Variants in PLBD2 observed in about 807,000 individuals in gnomAD.
The protein encoded by PLBD2 is phospholipase B domain containing 2.
In PLBD2, 51 loss-of-function variants were observed where a neutral mutation model predicts 68.3. That is an observed-to-expected ratio of 0.75 (90% CI 0.60 to 0.94). The LOEUF is 0.94. PLBD2 is among the 40% of genes least tolerant of loss of function. PLBD2 has a pLI of 0.00. For missense variants in PLBD2, 729 were observed against 792.2 expected, an observed-to-expected ratio of 0.92 and a Z score of 0.96; for synonymous variants, 314 against 339.3, an observed-to-expected ratio of 0.93 and a Z score of 0.82.
At chr12:113,361,069 G>A (rs1473969964) in intron 1 of PLBD2, among the ~76,000 whole-genome samples, 1 of 152,138 alleles carries the variant, frequency 6.6e-6, no homozygotes, top group South Asian at 2.1e-4. Context: ...AGAGACAGCT[G>A]CTTGAGGACT....
intron 5 of PLBD2, among the ~76,000 whole-genome samples, chr12:113,379,201 G>C (rs1050454171): frequency 6.6e-6 from 1 of 151,664 alleles, no homozygotes; most frequent in Non-Finnish European, 1.5e-5. Context: ...GCAGTTACTC[G>C]GGAGGCTGAG....
chr12:113,362,790 TA>T (rs1167990194), intron 1 of PLBD2, among the ~76,000 whole-genome samples: 3 of 142,350 alleles, frequency 2.1e-5, no homozygotes, highest in South Asian at 2.2e-4. Flanking sequence ...TCTTTTGATT[TA>T]TTTTTTTTTT....
chr12:113,388,423 G>A, intron 11 of PLBD2, 36 bp from the exon 12 acceptor site: 2 of 1,508,454 alleles, frequency 1.3e-6, no homozygotes, highest in Non-Finnish European at 1.8e-6. Flanking sequence ...GGCAGGCCAG[G>A]ACCCCTGCTC....
At chr12:113,377,725 A>G (rs1224370605) in intron 5 of PLBD2, among the ~76,000 whole-genome samples, 1 of 152,240 alleles carries the variant, frequency 6.6e-6, no homozygotes, top group Non-Finnish European at 1.5e-5. Context: ...TTTGAATGTC[A>G]TATGAATGGA....
At chr12:113,380,091 A>G (rs555989118) in intron 5 of PLBD2, among the ~76,000 whole-genome samples, 1 of 152,120 alleles carries the variant, frequency 6.6e-6, no homozygotes, top group South Asian at 2.1e-4. Context: ...GTTATACTGT[A>G]TTTTTAAAAT....
Position 113,374,795 on chromosome 12 carries a change from T to A in PLBD2, c.647T>A (p.Leu216Gln). The change falls in exon 5 of 12, where the codon CTG becomes CAG. Residue 216 changes from leucine (L) to glutamine (Q), a missense_variant and splice_region_variant. Transcript: ENST00000280800. ...TCTGATGCCCTGGCCCTCCTCAGCC[T>A]GCTGCAGCTCTCTGGGGACCTGGAA... ...KFTIKPLGFL[L>Q]LQLSGDLEDL... 1 of 1,613,748 alleles carries A rather than the reference T, an allele frequency of 6.2e-7. No homozygotes were observed. Among genetic ancestry groups the A allele is most frequent in the Non-Finnish European group, 8.5e-7 (1 of 1,180,022 alleles).
rs1202758503 is a variant in PLBD2, at chr12:113,391,496, A to G, written c.*2870A>G. Reference sequence around the variant, plus strand: ...CCGGGGATACTTTATAACAAAAGGGACAGAAGCATTCCTGCTCTTGTGAAG... The same window carrying G: ...CCGGGGATACTTTATAACAAAAGGGGCAGAAGCATTCCTGCTCTTGTGAAG... On this transcript the variant is annotated 3_prime_UTR_variant, in exon 12 of 12. Coordinates refer to ENST00000280800, the MANE Select transcript of PLBD2 (RefSeq NM_173542.4). 6.6e-6 allele frequency: 1 copy of G among 152,250 alleles called. No individual in the cohort carries two copies. The highest frequency in any genetic ancestry group is 2.4e-5 in the African/African-American group (1 of 41,456). The allele number at this position is 152,250 out of a possible 1,614,324, so 9.4% of individuals were successfully genotyped here.
chr12:113,385,159 C>T, intron 8 of PLBD2, 53 bp from the exon 9 acceptor site: 1 of 1,583,746 alleles, frequency 6.3e-7, no homozygotes, highest in South Asian at 1.1e-5. Flanking sequence ...GGGCAGTGCC[C>T]ACAGGAGCCC....
chr12:113,363,759 G>C (rs554537375), intron 1 of PLBD2, among the ~76,000 whole-genome samples: 1 of 152,044 alleles, frequency 6.6e-6, no homozygotes, highest in South Asian at 2.1e-4. Flanking sequence ...AGATGGTCTC[G>C]ATCTCCTGAC....
intron 1 of PLBD2, among the ~76,000 whole-genome samples, chr12:113,362,812 G>A (rs867380490): frequency 6.0e-5 from 9 of 150,802 alleles, no homozygotes; most frequent in Middle Eastern, 3.4e-3. Flanking sequence ...TTGAGATAGA[G>A]TCTGCTCTGT....
rs765071928 is a variant in PLBD2 at position 113,369,180 on chromosome 12, G to A, written c.355G>A (p.Gly119Ser). The change falls in exon 2 of 12, where the codon GGT becomes AGT. Residue 119 changes from glycine (G) to serine (S), a missense_variant. Physicochemically the swap from Gly to Ser is moderately conservative, Grantham distance 56 (BLOSUM62 0). Coordinates refer to ENST00000280800, the MANE Select transcript of PLBD2 (RefSeq NM_173542.4). ...YNDSLQAYAA[G>S]VVEAAVSEEL... ...TGACAGCTTGCAGGCCTATGCAGCC[G>A]GTGTGGTGGAGGCTGCTGTGTCGGA... The A allele has an allele frequency of 1.1e-5, 17 of 1,606,670 alleles. No homozygotes were observed. The highest frequency in any genetic ancestry group is 2.2e-5 in the South Asian group (2 of 89,324).
intron 1 of PLBD2, among the ~76,000 whole-genome samples, chr12:113,366,471 A>G (rs1158873914): frequency 6.6e-6 from 1 of 152,090 alleles, no homozygotes; most frequent in Admixed American, 6.6e-5. Context: ...AAACACAAAC[A>G]TATTTTCTCT....
Position 113,374,519 on chromosome 12 carries a change from G to C in PLBD2, c.589G>C (p.Glu197Gln). The C allele has an allele frequency of 6.2e-7, 1 of 1,607,308 alleles. No individual in the cohort carries two copies. The highest frequency in any genetic ancestry group is 8.5e-7 in the Non-Finnish European group (1 of 1,177,434). ...LQLKGLEDSY[E>Q]GRVSFPAGKF... ...GCTGAAAGGCCTGGAGGACAGCTAC[G>C]AAGGCCGTGTGAGCTTCCCAGCTGG... Residue 197 changes from glutamate (E) to glutamine (Q), a missense_variant, in exon 4 of 12, where the codon GAA becomes CAA. By Grantham distance (29) the Glu-to-Gln change is conservative (BLOSUM62 2). Coordinates refer to ENST00000280800, the MANE Select transcript of PLBD2 (RefSeq NM_173542.4).
chr12:113,381,864 C>T (rs1167577721), intron 6 of PLBD2, among the ~76,000 whole-genome samples: 1 of 151,966 alleles, frequency 6.6e-6, no homozygotes, highest in Admixed American at 6.6e-5. Context: ...CTCTGTCACT[C>T]AGGTTGGAAT....
Position 113,387,887 on chromosome 12 carries a change from A to G in PLBD2, c.1583A>G (p.His528Arg). ...YPFQALRQRS[H>R]GGIDVKVTSM... Reference sequence around the variant, plus strand: ...TTCCAGGCCCTGCGTCAGCGCTCCCATGGGGGTATCGATGTGAAGGTGCTG... The same window carrying G: ...TTCCAGGCCCTGCGTCAGCGCTCCCGTGGGGGTATCGATGTGAAGGTGCTG... Residue 528 changes from histidine (H) to arginine (R), a missense_variant, in exon 11 of 12, where the codon CAT (histidine) becomes CGT (arginine). By Grantham distance (29) the His-to-Arg change is conservative. Coordinates refer to ENST00000280800, the MANE Select transcript of PLBD2 (RefSeq NM_173542.4). The G allele has an allele frequency of 6.2e-7, 1 of 1,614,062 alleles. No homozygotes were observed. The highest frequency in any genetic ancestry group is 8.5e-7 in the Non-Finnish European group (1 of 1,179,978).
intron 10 of PLBD2, 85 bp downstream of exon 10, chr12:113,387,174 C>T: frequency 2.1e-6 from 3 of 1,461,838 alleles, no homozygotes; most frequent in Non-Finnish European, 2.7e-6. Flanking sequence ...CCAACTCATT[C>T]AAACTTTGCT....
At chr12:113,376,208 A>G (rs71465902) in intron 5 of PLBD2, among the ~76,000 whole-genome samples, 11,249 of 121,538 alleles carry the variant, frequency 0.093, 607 homozygotes, top group East Asian at 0.24. Context: ...CTGTTGCCTA[A>G]GCTGGAGTGC....
Position 113,384,068 on chromosome 12 carries a change from C to T in PLBD2, c.958-37C>T, listed in dbSNP as rs770098076. 3 of 1,548,016 alleles carry T rather than the reference C, an allele frequency of 1.9e-6. No individual in the cohort carries two copies. The South Asian group carries it at 3.6e-5, about 19-fold the overall frequency. ...AGTACTGCCACTTGGTGGCAGCATG[C>T]CTAGGCTGTGCAGCAGCCCCCTTGA... On this transcript the variant is annotated intron_variant, in intron 6 of 11. Coordinates refer to ENST00000280800, the MANE Select transcript of PLBD2 (RefSeq NM_173542.4). This position sits in a 1 kb window ranked among gnomAD's most constrained non-coding sequence, Gnocchi z 4.2.
At position 113,386,511 on chromosome 12, in the gene PLBD2, G is replaced by A. The variant is rs550370150; in HGVS notation, c.1287-426G>A. Among the ~76,000 whole-genome samples the A allele has an allele frequency of 2.1e-5, 3 of 145,714 alleles. No homozygotes were observed. In the South Asian group the frequency reaches 6.5e-4, roughly 32 times the overall value. On this transcript the variant is annotated intron_variant, in intron 9 of 11. Transcript: ENST00000280800. Reference sequence around the variant, plus strand: ...TGGGATTACAGGCACGTGCCACCACGCCGGCTAATTTTTTTTTTTTTTTTT... The same window carrying A: ...TGGGATTACAGGCACGTGCCACCACACCGGCTAATTTTTTTTTTTTTTTTT...
Sources: allele counts gnomAD v4.1 joint callset (sites outside exome capture counted in the v4.1 genomes callset), GRCh38; gene constraint gnomAD v4.1.1; non-coding constraint Gnocchi (gnomAD v3.1); transcripts MANE v1.5; gene names NCBI Gene and HGNC (gene_info 2026-07-23, HGNC 2026-07-21).